Variants in MIAT observed in about 807,000 individuals in gnomAD.
The protein encoded by MIAT is myocardial infarction associated transcript.
At chr22:26,662,150 C>A (rs1422397336) in intron 2 of MIAT, among the ~76,000 whole-genome samples, 1 of 151,614 alleles carries the variant, frequency 6.6e-6, no homozygotes, top group East Asian at 1.9e-4. Context: ...AGAGGCAGAG[C>A]CTTGATCTGT....
downstream of MIAT, chr22:26,674,418 CAGG>C (rs1210488101): frequency 7.5e-6 from 3 of 398,628 alleles, no homozygotes; most frequent in Non-Finnish European, 1.3e-5. Context: ...TCAGAGTCTG[CAGG>C]AGAAGACAGT....
At chr22:26,650,022 C>T (rs150642140) in intron 2 of MIAT, among the ~76,000 whole-genome samples, 36 of 152,352 alleles carry the variant, frequency 2.4e-4, no homozygotes, top group East Asian at 1.5e-3. Flanking sequence ...GTTCTAGTCG[C>T]TAACAACTTG....
At chr22:26,673,055 G>C (rs957897235), downstream of MIAT, 1 of 398,544 alleles carries the variant, frequency 2.5e-6, no homozygotes, top group Non-Finnish European at 4.4e-6. Flanking sequence ...GAAGCTAGAG[G>C]GCGTTAGTTG....
chr22:26,671,241 G>T, downstream of MIAT: 1 of 398,666 alleles, frequency 2.5e-6, no homozygotes, highest in South Asian at 1.3e-4. Context: ...CCAATAAATA[G>T]GGAAGCAACA....
chr22:26,659,600 G>C (rs1276273712), intron 2 of MIAT, among the ~76,000 whole-genome samples: 1 of 151,970 alleles, frequency 6.6e-6, no homozygotes, highest in Non-Finnish European at 1.5e-5. Context: ...CACTTTGGGA[G>C]GCTGGGGCGG....
intron 2 of MIAT, chr22:26,657,742 C>A: frequency 2.5e-6 from 1 of 398,298 alleles, no homozygotes; most frequent in South Asian, 1.3e-4. Context: ...AGGCTGGGGT[C>A]GAGGGTAGGT....
At chr22:26,676,235 T>G (rs1931260929) in exon 5 of MIAT, 1 of 397,014 alleles carries the variant, frequency 2.5e-6, no homozygotes, top group South Asian at 1.3e-4. Flanking sequence ...TCAAAGGCCC[T>G]CTTGAGAGTC....
downstream of MIAT, chr22:26,672,100 C>T (rs1602373673): frequency 5.0e-6 from 2 of 399,742 alleles, no homozygotes; most frequent in East Asian, 7.1e-5. Flanking sequence ...ACTAACGGAC[C>T]TGCGTGCGTT....
intron 2 of MIAT, among the ~76,000 whole-genome samples, chr22:26,650,033 C>G (rs1390960739): frequency 6.6e-6 from 1 of 152,220 alleles, no homozygotes; most frequent in Non-Finnish European, 1.5e-5. Context: ...TAACAACTTG[C>G]TCATAGTTAT....
chr22:26,650,116 A>G (rs1386876335), intron 2 of MIAT: 1 of 152,216 alleles, frequency 6.6e-6, no homozygotes. Flanking sequence ...ACATTGGAAG[A>G]TAGGGCCTCT....
intron 3 of MIAT, chr22:26,665,530 G>C (rs1343390664): frequency 2.3e-5 from 9 of 398,604 alleles, no homozygotes; most frequent in Non-Finnish European, 4.0e-5. Context: ...TCTATTTACA[G>C]AGAGCAGCAA....
At chr22:26,671,426 C>T (rs967634428), downstream of MIAT, 3 of 398,624 alleles carry the variant, frequency 7.5e-6, no homozygotes, top group South Asian at 1.3e-4. Context: ...ACCTACTAAC[C>T]CAGGGCTCAG....
At chr22:26,672,608 TC>T (rs1452475354), downstream of MIAT, 3 of 399,006 alleles carry the variant, frequency 7.5e-6, no homozygotes, top group African/African-American at 6.2e-5. Flanking sequence ...TGGGGAAGAA[TC>T]CTCTCCATTG....
chr22:26,647,838 G>C (rs1348881823), intron 2 of MIAT, among the ~76,000 whole-genome samples: 1 of 152,028 alleles, frequency 6.6e-6, no homozygotes, highest in East Asian at 1.9e-4. Flanking sequence ...GAGGGGGAAT[G>C]ACTTGGCGGA....
At chr22:26,673,798 G>A (rs1931159122), downstream of MIAT, 2 of 398,552 alleles carry the variant, frequency 5.0e-6, no homozygotes, top group African/African-American at 4.1e-5. Flanking sequence ...TCTAAAGGAG[G>A]TGCCAGGGCT....
At chr22:26,671,448 T>A (rs972547343), downstream of MIAT, 1 of 398,720 alleles carries the variant, frequency 2.5e-6, no homozygotes. Context: ...CGGGACGCTG[T>A]GGCGTGTGAC....
At chr22:26,656,419 G>A (rs975186624) in intron 2 of MIAT, among the ~76,000 whole-genome samples, 5 of 151,464 alleles carry the variant, frequency 3.3e-5, no homozygotes, top group African/African-American at 4.9e-5. Flanking sequence ...CCGCCTCCCG[G>A]GTTCGAGTGA....
chr22:26,648,655 T>C (rs1164043614), intron 2 of MIAT, among the ~76,000 whole-genome samples: 2 of 152,062 alleles, frequency 1.3e-5, no homozygotes, highest in Admixed American at 6.6e-5. Context: ...ACCTGATAAT[T>C]TTTTTTAAGT....
At chr22:26,649,223 T>C (rs184038108) in intron 2 of MIAT, among the ~76,000 whole-genome samples, 49 of 151,598 alleles carry the variant, frequency 3.2e-4, no homozygotes, top group Non-Finnish European at 6.6e-4. Flanking sequence ...GCCCAGAGGG[T>C]TGAAGTTCCC....
Sources: gnomAD v4.1 joint callset for allele counts (sites outside exome capture counted in the v4.1 genomes callset) on GRCh38, gnomAD v4.1.1 for gene constraint, MANE v1.5 for transcripts, NCBI Gene and HGNC (gene_info 2026-07-23, HGNC 2026-07-21) for gene names.